The following LRIG3 variants were observed in gnomAD, a reference collection of about 807,000 sequenced individuals.
LRIG3 encodes leucine-rich repeats and immunoglobulin-like domains protein 3.
Under a neutral mutation model 114.5 loss-of-function variants are expected in LRIG3, and 76 were observed. That is an observed-to-expected ratio of 0.66 (90% CI 0.55 to 0.80). LRIG3 has a LOEUF of 0.80. Among genes scored for constraint, LRIG3 ranks in the 30% least tolerant of loss-of-function variants. The pLI, the probability that LRIG3 is intolerant of heterozygous loss-of-function variation, is 0.00. For missense variants in LRIG3, 1,239 were observed against 1,382.8 expected (o/e 0.90, Z 1.65); for synonymous variants, 512 against 519.8 (o/e 0.98, Z 0.20).
chr12:58,900,576 C>T (rs551158848), intron 3 of LRIG3, among the ~76,000 whole-genome samples: 41 of 152,132 alleles, frequency 2.7e-4, no homozygotes, highest in Non-Finnish European at 5.1e-4. Context: ...TAAAATAAAA[C>T]CATTAAGTTA....
chr12:58,892,431 CACCCAAA>C (rs1565618440), intron 3 of LRIG3, among the ~76,000 whole-genome samples: 2 of 152,118 alleles, frequency 1.3e-5, no homozygotes, highest in Admixed American at 6.5e-5. Flanking sequence ...GTATTTTTTG[CACCCAAA>C]ACTGGATTTC....
At chr12:58,887,979 A>G (rs768699259) in intron 7 of LRIG3, 47 bp from the exon 8 acceptor site, 2 of 1,563,092 alleles carry the variant, frequency 1.3e-6, no homozygotes, top group African/African-American at 2.7e-5. Flanking sequence ...TTTCAATTCA[A>G]CACAATGATT....
At chr12:58,919,228 T>G (rs1872582941) in intron 1 of LRIG3, among the ~76,000 whole-genome samples, 1 of 152,208 alleles carries the variant, frequency 6.6e-6, no homozygotes, top group Non-Finnish European at 1.5e-5. Context: ...CTTCACGCAG[T>G]TGGCAGTGAT....
At chr12:58,889,369 C>T (rs1422298714) in intron 5 of LRIG3, among the ~76,000 whole-genome samples, 1 of 152,114 alleles carries the variant, frequency 6.6e-6, no homozygotes, top group Non-Finnish European at 1.5e-5. Flanking sequence ...CTATCTTTCA[C>T]CCTTCTTTTT....
In LRIG3 at chr12:58,883,022, T is replaced by C; in HGVS notation, c.1327A>G (p.Thr443Ala). Residue 443 changes from threonine to alanine, a missense_variant, in exon 12 of 19, where the codon ACA becomes GCA. Thr to Ala is a moderately conservative substitution (Grantham distance 58). Coordinates refer to ENST00000320743, the MANE Select transcript of LRIG3 (RefSeq NM_153377.5). Reference protein sequence around the residue: ...MKKLQQLHLNTSSLLCDCQLK... With the variant: ...MKKLQQLHLNASSLLCDCQLK... ...TGGCAATCGCACAAAAGGCTTGATG[T>C]ATTTAAATGCCTGAGGAGAGTAATT... The C allele has an allele frequency of 6.2e-7, 1 of 1,611,846 alleles. No homozygotes were observed. The highest frequency in any genetic ancestry group is 8.5e-7 in the Non-Finnish European group (1 of 1,178,904).
At chr12:58,880,976 C>T in intron 12 of LRIG3, 75 bp from the exon 13 acceptor site, 2 of 1,372,974 alleles carry the variant, frequency 1.5e-6, no homozygotes, top group Non-Finnish European at 2.0e-6. Context: ...ATTTGAACAC[C>T]AAGAAATGCA....
At position 58,888,370 on chromosome 12, in the gene LRIG3, G is replaced by A; in HGVS notation, c.906C>T (p.Ile302=). The A allele has an allele frequency of 1.9e-6, 3 of 1,613,878 alleles. No individual in the cohort carries two copies. Among genetic ancestry groups the A allele is most frequent in the Non-Finnish European group, 8.5e-7 (1 of 1,179,842 alleles). ...LHLSQNAINR[I]SPDAWEFCQK... ...GGCAGAACTCCCAGGCATCAGGGCT[G>A]ATCCTGTTGATGGCATTTTGGCTGA... The change falls in exon 7 of 19, where the codon ATC becomes ATT. Residue 302 remains isoleucine (I), a synonymous_variant. Coordinates refer to ENST00000320743, the MANE Select transcript of LRIG3 (RefSeq NM_153377.5).
At chr12:58,878,787 C>A in intron 14 of LRIG3, 37 bp downstream of exon 14, 1 of 1,584,692 alleles carries the variant, frequency 6.3e-7, no homozygotes, top group South Asian at 1.1e-5. Context: ...ATCTTCAAGA[C>A]TGATTTATAC....
In LRIG3 at chr12:58,919,997, T is replaced by TA. The variant is rs1872612247; in HGVS notation, c.236+2dup. 7.1e-6 allele frequency: 11 copies of TA among 1,550,692 alleles called. No homozygotes were observed. The highest frequency in any genetic ancestry group is 1.2e-5 in the South Asian group (1 of 84,140). On this transcript the variant is annotated splice_region_variant and intron_variant, in intron 1 of 18. Coordinates refer to ENST00000320743, the MANE Select transcript of LRIG3 (RefSeq NM_153377.5). Reference sequence around the variant, plus strand: ...CCCCTCCCCCCGCGGGAAGAATACTTACAGCCGAGCGACCCAGGACGGGAG... The same window carrying TA: ...CCCCTCCCCCCGCGGGAAGAATACTTAACAGCCGAGCGACCCAGGACGGGAG...
intron 12 of LRIG3, among the ~76,000 whole-genome samples, chr12:58,882,507 G>A (rs1314048731): frequency 6.6e-6 from 1 of 152,036 alleles, no homozygotes; most frequent in Non-Finnish European, 1.5e-5. Context: ...CTCCCAACAA[G>A]CCTCAGAGTT....
chr12:58,875,295 G>A (rs147051094), intron 16 of LRIG3, among the ~76,000 whole-genome samples: 54 of 152,276 alleles, frequency 3.5e-4, no homozygotes, highest in African/African-American at 1.3e-3. Context: ...GCTTTAATGA[G>A]CTTGGGTCTC....
In LRIG3 at chr12:58,877,648, C is replaced by T; in HGVS notation, c.2288G>A (p.Gly763Glu). The T allele has an allele frequency of 6.2e-7, 1 of 1,614,190 alleles. No homozygotes were observed. Among genetic ancestry groups the T allele is most frequent in the Non-Finnish European group, 8.5e-7 (1 of 1,180,038 alleles). Residue 763 changes from glycine to glutamate, a missense_variant, in exon 15 of 19, where the codon GGG (glycine) becomes GAG (glutamate). Gly to Glu is a moderately conservative substitution (Grantham distance 98, BLOSUM62 -2). Transcript: ENST00000320743. ...GTTAGACATCTCACATGTGTATTTC[C>T]CAGCATCACTGACATCTGAGTCCAC... ...IIVDSDVSDA[G>E]KYTCEMSNTL...
intron 3 of LRIG3, among the ~76,000 whole-genome samples, chr12:58,913,305 CTAAATGCTACCTT>C (rs1343404206): frequency 2.0e-5 from 3 of 152,318 alleles, no homozygotes; most frequent in African/African-American, 7.2e-5. Context: ...CACAGGCATT[CTAAATGCTACCTT>C]TAAATGCTGA....
chr12:58,910,626 A>C (rs1872241877), intron 3 of LRIG3, among the ~76,000 whole-genome samples: 1 of 152,012 alleles, frequency 6.6e-6, no homozygotes, highest in African/African-American at 2.4e-5. Flanking sequence ...ACAAAAACAA[A>C]AACAAAAAAA....
chr12:58,919,588 A>G (rs983903642), intron 1 of LRIG3: 4 of 1,534,152 alleles, frequency 2.6e-6, no homozygotes, highest in Non-Finnish European at 3.5e-6. Flanking sequence ...GCTAGAAACT[A>G]AAACTGAACC....
At chr12:58,890,317 G>A (rs1871413247) in intron 4 of LRIG3, among the ~76,000 whole-genome samples, 178 bp from the exon 5 acceptor site, 2 of 152,196 alleles carry the variant, frequency 1.3e-5, no homozygotes, top group African/African-American at 4.8e-5. Context: ...TGGGAAAAGA[G>A]TGATTAAAAT....
chr12:58,899,825 G>A lies in LRIG3; in HGVS notation c.384-9029C>T, dbSNP rs1440681538. Among the ~76,000 whole-genome samples the A allele has an allele frequency of 2.0e-5, 3 of 152,104 alleles. No homozygotes were observed. The East Asian group carries it at 5.8e-4, about 29-fold the overall frequency. ...GGTGAGTGCCAGCACAGGTGAAGGA[G>A]GGACCTATTTTAGGACAAAATGGCC... On this transcript the variant is annotated intron_variant, in intron 3 of 18. Transcript: ENST00000320743.
intron 7 of LRIG3, 98 bp downstream of exon 7, chr12:58,888,231 C>T (rs1054840314): frequency 2.4e-5 from 34 of 1,424,618 alleles, no homozygotes; most frequent in African/African-American, 2.0e-4. Flanking sequence ...ACCTTGGAAA[C>T]TTTGTTATGA....
At chr12:58,914,885 C>T (rs141646889) in intron 1 of LRIG3, among the ~76,000 whole-genome samples, 8,300 of 152,184 alleles carry the variant, frequency 0.055, 383 homozygotes, top group Admixed American at 0.14. Flanking sequence ...ACAATCTGAA[C>T]CCTCTGCTTT....
Sources: allele counts gnomAD v4.1 joint callset (sites outside exome capture counted in the v4.1 genomes callset), GRCh38; gene constraint gnomAD v4.1.1; transcripts MANE v1.5; gene names NCBI Gene and HGNC (gene_info 2026-07-23, HGNC 2026-07-21).